AFF3: variants seen among roughly 807,000 people sequenced by gnomAD.
The protein encoded by AFF3 is AF4/FMR2 family member 3.
In AFF3, 32 loss-of-function variants were observed where a neutral mutation model predicts 129.7. The observed-to-expected ratio is 0.25, with a 90% CI of 0.19 to 0.33. The LOEUF (loss-of-function observed/expected upper bound fraction) is 0.33. AFF3 is among the 10% of genes least tolerant of loss of function. The pLI is 1.00. For synonymous variants in AFF3, 644 were observed against 635.4 expected (o/e 1.01, Z -0.20); for missense variants, 1,373 against 1,592.0 (o/e 0.86, Z 2.34).
At chr2:100,040,400 T>C (rs938693186) in intron 4 of AFF3, among the ~76,000 whole-genome samples, 1 of 152,172 alleles carries the variant, frequency 6.6e-6, no homozygotes, top group Non-Finnish European at 1.5e-5. Flanking sequence ...TTTTACTAAT[T>C]TGGCCAATAT....
intron 8 of AFF3, among the ~76,000 whole-genome samples, chr2:99,771,230 T>C (rs1191980242): frequency 2.2e-4 from 34 of 152,004 alleles, no homozygotes; most frequent in Non-Finnish European, 1.9e-4. Context: ...GACACATGGA[T>C]GGTGGGGAAA....
intron 7 of AFF3, among the ~76,000 whole-genome samples, chr2:99,859,391 G>A (rs987675749): frequency 6.6e-6 from 1 of 152,112 alleles, no homozygotes; most frequent in African/African-American, 2.4e-5. Flanking sequence ...CCAATTGCTG[G>A]GCCCACTCCA....
At chr2:99,573,080 A>G (rs1394958716) in intron 18 of AFF3, among the ~76,000 whole-genome samples, 2 of 152,144 alleles carry the variant, frequency 1.3e-5, no homozygotes, top group African/African-American at 4.8e-5. Flanking sequence ...ATCAAAAGTA[A>G]CTTTCTGTTG....
chr2:99,694,355 CAG>C (rs764846850), intron 11 of AFF3, among the ~76,000 whole-genome samples: 2 of 152,096 alleles, frequency 1.3e-5, no homozygotes, highest in South Asian at 2.1e-4. Context: ...GGTGTAAAGA[CAG>C]GGGCACATTT....
intron 11 of AFF3, among the ~76,000 whole-genome samples, chr2:99,703,655 T>TC (rs1677086502): frequency 6.6e-6 from 1 of 152,076 alleles, no homozygotes; most frequent in Non-Finnish European, 1.5e-5. Context: ...CTTTTTTTTT[T>TC]TCTTTTCTTG....
chr2:99,943,248 C>T (rs992431525), intron 7 of AFF3, among the ~76,000 whole-genome samples: 18 of 152,304 alleles, frequency 1.2e-4, no homozygotes, highest in African/African-American at 4.3e-4. Context: ...TGCCCCCTTA[C>T]TCCAAAATCC....
intron 7 of AFF3, among the ~76,000 whole-genome samples, chr2:99,887,820 A>AC (rs1329083700): frequency 6.6e-6 from 1 of 152,170 alleles, no homozygotes; most frequent in Non-Finnish European, 1.5e-5. Flanking sequence ...AGGTATTACC[A>AC]CCCTCTGTTC....
chr2:100,082,802 T>G (rs1036391647), intron 4 of AFF3, among the ~76,000 whole-genome samples: 1 of 152,182 alleles, frequency 6.6e-6, no homozygotes, highest in African/African-American at 2.4e-5. Flanking sequence ...GGCTCTTGGC[T>G]GGGCTTGGTG....
chr2:99,570,889 TGG>T (rs1216992934), intron 18 of AFF3, among the ~76,000 whole-genome samples: 6 of 152,226 alleles, frequency 3.9e-5, no homozygotes, highest in African/African-American at 1.4e-4. Flanking sequence ...GAATGTTGCC[TGG>T]CCCTCAATTT....
chr2:99,672,176 TCTCACA>T (rs1429033749), intron 12 of AFF3, among the ~76,000 whole-genome samples: 138 of 37,272 alleles, frequency 3.7e-3, no homozygotes, highest in Middle Eastern at 0.016. Context: ...CCAGTTAGCT[TCTCACA>T]CACACACACA....
At chr2:99,551,688 C>T (rs1405164068) in intron 24 of AFF3, 93 bp from the exon 25 acceptor site, 1 of 1,476,756 alleles carries the variant, frequency 6.8e-7, no homozygotes, top group Non-Finnish European at 9.3e-7. Flanking sequence ...TTCATGGTCT[C>T]TATATAAATC....
At chr2:99,895,643 T>C (rs1009243970) in intron 7 of AFF3, among the ~76,000 whole-genome samples, 9 of 151,960 alleles carry the variant, frequency 5.9e-5, no homozygotes, top group African/African-American at 2.2e-4. Flanking sequence ...GCGTCCGGGC[T>C]ATGCTCTCCA....
chr2:99,746,888 G>T (rs1681202547), intron 9 of AFF3, among the ~76,000 whole-genome samples: 1 of 150,972 alleles, frequency 6.6e-6, no homozygotes, highest in Non-Finnish European at 1.5e-5. Flanking sequence ...ACTAGGGAGG[G>T]GAAATACACA....
chr2:99,845,195 T>A, intron 7 of AFF3, among the ~76,000 whole-genome samples: 1 of 152,294 alleles, frequency 6.6e-6, no homozygotes, highest in East Asian at 1.9e-4. Context: ...ATTCCCACAT[T>A]GGTACCTGTA....
chr2:100,095,696 G>A (rs886317530), intron 4 of AFF3, among the ~76,000 whole-genome samples: 1 of 152,194 alleles, frequency 6.6e-6, no homozygotes, highest in Non-Finnish European at 1.5e-5. Context: ...TTATGTGCAC[G>A]CACACACCCT....
intron 7 of AFF3, among the ~76,000 whole-genome samples, chr2:99,946,361 C>T (rs1224609896): frequency 6.6e-6 from 1 of 151,266 alleles, no homozygotes. Flanking sequence ...GTAATCTCAG[C>T]TACTTGGGAG....
intron 18 of AFF3, among the ~76,000 whole-genome samples, chr2:99,576,770 G>A (rs1490240267): frequency 6.6e-6 from 1 of 152,148 alleles, no homozygotes; most frequent in Non-Finnish European, 1.5e-5. Flanking sequence ...ACTTCCAAAT[G>A]CAAATTTCTA....
At chr2:100,028,625 C>CT in intron 4 of AFF3, among the ~76,000 whole-genome samples, 1 of 152,108 alleles carries the variant, frequency 6.6e-6, no homozygotes, top group East Asian at 1.9e-4. Context: ...TTAACAGTGG[C>CT]TATTCTTGAG....
chr2:100,093,046 A>G (rs1402664626), intron 4 of AFF3, among the ~76,000 whole-genome samples: 1 of 152,234 alleles, frequency 6.6e-6, no homozygotes, highest in East Asian at 1.9e-4. Flanking sequence ...AGCAGCTTCA[A>G]GCCCTCTATA....
Sources: gnomAD v4.1 joint callset for allele counts (sites outside exome capture counted in the v4.1 genomes callset) on GRCh38, gnomAD v4.1.1 for gene constraint, MANE v1.5 for transcripts, NCBI Gene and HGNC (gene_info 2026-07-23, HGNC 2026-07-21) for gene names.